TBC1D12: variants seen among roughly 807,000 people sequenced by gnomAD.
TBC1D12 encodes TBC1 domain family, member 12.
A neutral mutation model predicts 86.7 loss-of-function variants in TBC1D12; 56 were observed. The observed-to-expected ratio is 0.65, with a 90% CI of 0.52 to 0.81. The LOEUF (loss-of-function observed/expected upper bound fraction) is 0.81. TBC1D12 is among the 30% of genes least tolerant of loss of function. TBC1D12 has a pLI of 0.00. For synonymous variants in TBC1D12, 421 were observed against 411.7 expected (o/e 1.02, Z -0.27); for missense variants, 1,023 against 1,038.8 (o/e 0.98, Z 0.21).
intron 2 of TBC1D12, among the ~76,000 whole-genome samples, chr10:94,471,482 G>T (rs1315727081): frequency 6.6e-6 from 1 of 152,054 alleles, no homozygotes; most frequent in Non-Finnish European, 1.5e-5. Flanking sequence ...CCAGTGAAAG[G>T]CCCTGTAATT....
At position 94,522,044 on chromosome 10, in the gene TBC1D12, G is replaced by A; in HGVS notation, c.1851G>A (p.Lys617=). ...TCGCATTTGCCAATCTCCTGAATAA[G>A]CCATGCCAGTTGGCCTTTTTTCGTG... is the stretch of plus-strand genomic sequence containing the variant. ...AFIAFANLLN[K]PCQLAFFRVD... Residue 617 remains lysine (K), a synonymous_variant, in exon 10 of 13, where the codon AAG becomes AAA. Transcript: ENST00000225235. The A allele has an allele frequency of 6.2e-7, 1 of 1,612,866 alleles. No individual in the cohort carries two copies. The highest frequency in any genetic ancestry group is 8.5e-7 in the Non-Finnish European group (1 of 1,179,176).
intron 2 of TBC1D12, among the ~76,000 whole-genome samples, chr10:94,472,053 T>C (rs1381096458): frequency 6.6e-6 from 1 of 152,178 alleles, no homozygotes; most frequent in Non-Finnish European, 1.5e-5. Context: ...TCAGGCATTG[T>C]CAGTCTGATC....
intron 2 of TBC1D12, among the ~76,000 whole-genome samples, chr10:94,468,941 G>A (rs1003824345): frequency 1.3e-5 from 2 of 152,118 alleles, no homozygotes; most frequent in South Asian, 4.1e-4. Flanking sequence ...AAGATCTGAC[G>A]TGAATATTTT....
chr10:94,519,716 A>G (rs141808579), intron 9 of TBC1D12, among the ~76,000 whole-genome samples: 372 of 152,294 alleles, frequency 2.4e-3, no homozygotes, highest in Non-Finnish European at 4.6e-3. Context: ...GAGGCTGCCT[A>G]CATTCCTTAG....
chr10:94,444,733 C>CTTTT (rs528326665), intron 2 of TBC1D12, among the ~76,000 whole-genome samples: 25 of 138,804 alleles, frequency 1.8e-4, no homozygotes, highest in Non-Finnish European at 3.5e-4. Flanking sequence ...CTCACATTCT[C>CTTTT]TTTTTTTTTT....
chr10:94,532,206 C>A (rs929639123), intron 12 of TBC1D12, among the ~76,000 whole-genome samples: 2 of 140,712 alleles, frequency 1.4e-5, no homozygotes, highest in African/African-American at 5.3e-5. Context: ...GAGACGGAGT[C>A]TCACTCTGTC....
intron 1 of TBC1D12, among the ~76,000 whole-genome samples, chr10:94,413,467 G>A (rs776384580): frequency 5.3e-5 from 8 of 151,814 alleles, no homozygotes; most frequent in African/African-American, 9.7e-5. Context: ...ATTCTTTTCC[G>A]TGCCTTTAAG....
intron 2 of TBC1D12, among the ~76,000 whole-genome samples, chr10:94,468,270 T>C (rs1255255763): frequency 6.6e-6 from 1 of 152,206 alleles, no homozygotes; most frequent in Non-Finnish European, 1.5e-5. Context: ...ATATTTATTA[T>C]TTTTGGTGCT....
intron 4 of TBC1D12, among the ~76,000 whole-genome samples, chr10:94,493,908 A>G (rs1371921708): frequency 1.3e-5 from 2 of 152,048 alleles, no homozygotes; most frequent in Non-Finnish European, 2.9e-5. Flanking sequence ...TTGGACTTCT[A>G]CTATCTTAGT....
intron 1 of TBC1D12, among the ~76,000 whole-genome samples, chr10:94,431,753 AGCAGAGAGGT>A (rs2055218761): frequency 6.6e-6 from 1 of 152,134 alleles, no homozygotes; most frequent in Non-Finnish European, 1.5e-5. Context: ...GGGGATGGGG[AGCAGAGAGGT>A]ACAGAGGTAA....
rs2055961859 is a variant in TBC1D12, at chr10:94,474,726, A to G, written c.1154A>G (p.Lys385Arg). 5.0e-6 allele frequency: 8 copies of G among 1,614,016 alleles called. No homozygotes were observed. Among genetic ancestry groups the G allele is most frequent in the African/African-American group, 1.3e-5 (1 of 74,912 alleles). ...CCACCACCTCAGTCTTCAAGACGCA[A>G]GAATTTTGAATTTGAGCCGCTTTCT... ...CKPPPQSSRR[K>R]NFEFEPLSTT... The change falls in exon 3 of 13, where the codon AAG becomes AGG. Residue 385 changes from lysine to arginine, a missense_variant. Physicochemically the swap from Lys to Arg is conservative, Grantham distance 26. This residue lies in a region of TBC1D12 where 395 missense variants were observed against 507.7 expected (regional missense o/e 0.78). Transcript: ENST00000225235.
At chr10:94,434,378 C>T (rs990968661) in intron 1 of TBC1D12, among the ~76,000 whole-genome samples, 1 of 151,504 alleles carries the variant, frequency 6.6e-6, no homozygotes, top group Non-Finnish European at 1.5e-5. Flanking sequence ...TGGTGGTGTG[C>T]GCCTGTAATC....
rs143251952 is a variant in TBC1D12 at position 94,436,711 on chromosome 10, A to G, written c.972-5185A>G. On this transcript the variant is annotated intron_variant, in intron 1 of 12. Transcript: ENST00000225235. ...ACATACCTTGTATTTTCTTGCTATT[A>G]TATCTCTTTAGATTTTAAAAAATTT... 5.3e-5 allele frequency among the ~76,000 whole-genome samples: 8 copies of G among 151,850 alleles called. No homozygotes were observed. The East Asian group carries it at 7.7e-4, about 15-fold the overall frequency.
chr10:94,468,202 G>A (rs562517028), intron 2 of TBC1D12, among the ~76,000 whole-genome samples: 1 of 152,188 alleles, frequency 6.6e-6, no homozygotes, highest in South Asian at 2.1e-4. Flanking sequence ...GTATATTTCT[G>A]TATTAAATGA....
intron 12 of TBC1D12, among the ~76,000 whole-genome samples, chr10:94,531,985 A>C (rs1161725056): frequency 6.6e-6 from 1 of 150,844 alleles, no homozygotes; most frequent in African/African-American, 2.4e-5. Flanking sequence ...GGTTCACACC[A>C]TTCTCCTGCC....
At chr10:94,457,594 T>C (rs1294986420) in intron 2 of TBC1D12, among the ~76,000 whole-genome samples, 2 of 152,206 alleles carry the variant, frequency 1.3e-5, no homozygotes, top group Non-Finnish European at 2.9e-5. Context: ...TGTGTTTTAA[T>C]TGGTGCATTT....
intron 5 of TBC1D12, among the ~76,000 whole-genome samples, chr10:94,499,877 A>G (rs866388660): frequency 2.0e-5 from 3 of 152,106 alleles, no homozygotes; most frequent in Admixed American, 1.3e-4. Flanking sequence ...CCCACTGTAG[A>G]TTCTTGGTTG....
At chr10:94,517,545 A>C (rs1842031967) in intron 9 of TBC1D12, among the ~76,000 whole-genome samples, 1 of 152,174 alleles carries the variant, frequency 6.6e-6, no homozygotes, top group African/African-American at 2.4e-5. Context: ...TTATTAGGTC[A>C]CTGTATATTT....
intron 2 of TBC1D12, among the ~76,000 whole-genome samples, chr10:94,459,085 CCATTTTACAGAGAGCT>C (rs2055679216): frequency 6.6e-6 from 1 of 151,302 alleles, no homozygotes; most frequent in Non-Finnish European, 1.5e-5. Context: ...GCTGATTGGT[CCATTTTACAGAGAGCT>C]GATTGGTCCA....
Sources: gnomAD v4.1 joint callset for allele counts (sites outside exome capture counted in the v4.1 genomes callset) on GRCh38, gnomAD v4.1.1 for gene constraint, gnomAD v4.1.1 regional missense constraint, MANE v1.5 for transcripts, NCBI Gene and HGNC (gene_info 2026-07-23, HGNC 2026-07-21) for gene names.